Variants in DCC observed in about 807,000 individuals in gnomAD.
DCC encodes netrin receptor DCC.
Under a neutral mutation model 172.5 loss-of-function variants are expected in DCC, and 58 were observed. The observed-to-expected ratio is 0.34, with a 90% CI of 0.27 to 0.42. DCC has a LOEUF of 0.42. Among genes scored for constraint, DCC ranks in the 10% least tolerant of loss-of-function variants. DCC has a pLI of 1.00. For missense variants in DCC, 1,740 were observed against 1,791.0 expected, an observed-to-expected ratio of 0.97 and a Z score of 0.51; for synonymous variants, 709 against 644.5, an observed-to-expected ratio of 1.10 and a Z score of -1.52.
At chr18:53,018,724 G>A (rs910441450) in intron 5 of DCC, among the ~76,000 whole-genome samples, 1 of 152,238 alleles carries the variant, frequency 6.6e-6, no homozygotes, top group East Asian at 1.9e-4. Context: ...ACAAATGAAT[G>A]CTATAACATA....
intron 1 of DCC, among the ~76,000 whole-genome samples, chr18:52,733,016 T>C (rs1057413887): frequency 6.6e-6 from 1 of 152,148 alleles, no homozygotes; most frequent in African/African-American, 2.4e-5. Context: ...TCTGTAAATG[T>C]CCCCTGTTTG....
chr18:52,625,843 C>G (rs1265461207), intron 1 of DCC, among the ~76,000 whole-genome samples: 1 of 152,160 alleles, frequency 6.6e-6, no homozygotes, highest in Non-Finnish European at 1.5e-5. Flanking sequence ...TGCCTCATGT[C>G]CAAACATGTT....
At chr18:53,397,750 A>G (rs11082991) in intron 18 of DCC, among the ~76,000 whole-genome samples, 65,512 of 152,008 alleles carry the variant, frequency 0.43, 15,696 homozygotes, top group Non-Finnish European at 0.55. Context: ...ACAGAAATCC[A>G]TCCAATGAAC....
intron 1 of DCC, among the ~76,000 whole-genome samples, chr18:52,606,704 G>A (rs1020738773): frequency 2.6e-5 from 4 of 152,142 alleles, no homozygotes; most frequent in African/African-American, 7.2e-5. Flanking sequence ...TCATTAAGGA[G>A]ATTTTCTAGT....
At chr18:52,524,768 T>A (rs766139585) in intron 1 of DCC, among the ~76,000 whole-genome samples, 14 of 152,128 alleles carry the variant, frequency 9.2e-5, no homozygotes, top group Non-Finnish European at 1.5e-4. Flanking sequence ...TTGCTGGTGG[T>A]GGGAGAGGTA....
At chr18:52,374,094 A>C (rs934122784) in intron 1 of DCC, among the ~76,000 whole-genome samples, 2 of 151,524 alleles carry the variant, frequency 1.3e-5, no homozygotes, top group Non-Finnish European at 1.5e-5. Flanking sequence ...GGGTTTCACT[A>C]TGTTAGCCAG....
chr18:52,831,505 C>T (rs369510666), intron 2 of DCC, among the ~76,000 whole-genome samples: 1 of 151,914 alleles, frequency 6.6e-6, no homozygotes, highest in East Asian at 1.9e-4. Flanking sequence ...TGATGGCAGC[C>T]GAAGTGTTGA....
chr18:52,910,170 T>G (rs566067399), intron 3 of DCC, among the ~76,000 whole-genome samples: 81 of 151,996 alleles, frequency 5.3e-4, no homozygotes, highest in Non-Finnish European at 1.1e-3. Flanking sequence ...AGAAATGATG[T>G]TTGGTTTGGT....
At chr18:52,993,005 A>T (rs910512876) in intron 5 of DCC, among the ~76,000 whole-genome samples, 3 of 151,442 alleles carry the variant, frequency 2.0e-5, no homozygotes, top group Non-Finnish European at 4.4e-5. Context: ...AAAAAAACAC[A>T]TGTGAAATGA....
chr18:53,301,916 G>T (rs567319848), intron 12 of DCC, among the ~76,000 whole-genome samples: 1 of 152,112 alleles, frequency 6.6e-6, no homozygotes, highest in African/African-American at 2.4e-5. Flanking sequence ...AATAAATACT[G>T]CAGACTGGGT....
At chr18:52,803,021 G>A (rs1462383879) in intron 2 of DCC, among the ~76,000 whole-genome samples, 1 of 152,122 alleles carries the variant, frequency 6.6e-6, no homozygotes, top group Non-Finnish European at 1.5e-5. Context: ...TATATCATGT[G>A]TTGACAAGAT....
intron 5 of DCC, among the ~76,000 whole-genome samples, chr18:53,056,721 C>G (rs906629016): frequency 1.3e-5 from 2 of 152,078 alleles, no homozygotes; most frequent in African/African-American, 4.8e-5. Flanking sequence ...TCCAGGGAAA[C>G]TAGCTGGCTT....
chr18:53,468,440 T>G (rs915341770), intron 25 of DCC, among the ~76,000 whole-genome samples: 4 of 151,114 alleles, frequency 2.6e-5, no homozygotes, highest in Middle Eastern at 3.2e-3. Flanking sequence ...TGGAGTGCAG[T>G]GGCACAATCT....
chr18:52,744,150 G>T (rs2036870841), intron 1 of DCC, among the ~76,000 whole-genome samples: 1 of 152,126 alleles, frequency 6.6e-6, no homozygotes, highest in South Asian at 2.1e-4. Flanking sequence ...TTTAGTATAA[G>T]TAGGTCTTAT....
chr18:53,293,493 C>T (rs144070337), intron 12 of DCC, among the ~76,000 whole-genome samples: 233 of 152,196 alleles, frequency 1.5e-3, no homozygotes, highest in African/African-American at 5.4e-3. Flanking sequence ...ATTTTAGTTT[C>T]AGGGGTACAT....
chr18:53,390,194 T>G (rs11874038), intron 16 of DCC, among the ~76,000 whole-genome samples: 64,152 of 151,700 alleles, frequency 0.42, 15,355 homozygotes, highest in Non-Finnish European at 0.55. Context: ...AGACATCAAA[T>G]AAAATACAGA....
intron 1 of DCC, among the ~76,000 whole-genome samples, chr18:52,749,798 A>T (rs2036967115): frequency 6.6e-6 from 1 of 152,216 alleles, no homozygotes; most frequent in Non-Finnish European, 1.5e-5. Flanking sequence ...GCTTAACATG[A>T]GGTTGTGTTT....
intron 7 of DCC, among the ~76,000 whole-genome samples, chr18:53,123,528 C>T (rs895677793): frequency 3.9e-5 from 6 of 152,026 alleles, no homozygotes; most frequent in African/African-American, 1.4e-4. Flanking sequence ...TGCAACCAGC[C>T]TTATTAGGGT....
chr18:52,637,244 T>A (rs4575625), intron 1 of DCC, among the ~76,000 whole-genome samples: 1 of 151,956 alleles, frequency 6.6e-6, no homozygotes, highest in African/African-American at 2.4e-5. Flanking sequence ...ACCCTGGTAA[T>A]ATGACAAAAC....
Sources: gnomAD v4.1 joint callset for allele counts (sites outside exome capture counted in the v4.1 genomes callset) on GRCh38, gnomAD v4.1.1 for gene constraint, MANE v1.5 for transcripts, NCBI Gene and HGNC (gene_info 2026-07-23, HGNC 2026-07-21) for gene names.